BOC: variants seen among roughly 807,000 people sequenced by gnomAD.
BOC encodes the protein brother of CDO.
In BOC, 76 loss-of-function variants were observed where a neutral mutation model predicts 112.0. That is an observed-to-expected ratio of 0.68 (90% CI 0.56 to 0.82). The LOEUF is 0.82. Among genes scored for constraint, BOC ranks in the 40% least tolerant of loss-of-function variants. The pLI is 0.00. For synonymous variants in BOC, 580 were observed against 599.8 expected (o/e 0.97, Z 0.48); for missense variants, 1,309 against 1,511.7 (o/e 0.87, Z 2.22).
intron 2 of BOC, among the ~76,000 whole-genome samples, chr3:113,231,412 C>A (rs550098599): frequency 6.6e-6 from 1 of 152,156 alleles, no homozygotes; most frequent in East Asian, 1.9e-4. Flanking sequence ...AAAATGGGAT[C>A]ATGATGGTTT....
chr3:113,222,570 GGT>G (rs1940910100), intron 2 of BOC, among the ~76,000 whole-genome samples: 1 of 152,170 alleles, frequency 6.6e-6, no homozygotes, highest in South Asian at 2.1e-4. Context: ...AATGTCCGTG[GGT>G]GTACCGGTTG....
intron 4 of BOC, among the ~76,000 whole-genome samples, chr3:113,255,279 G>T (rs1244773111): frequency 6.6e-6 from 1 of 151,990 alleles, no homozygotes; most frequent in Non-Finnish European, 1.5e-5. Context: ...GCTGTTCCCA[G>T]TCTGCTCCTG....
At chr3:113,259,835 C>T (rs570809994) in intron 4 of BOC, among the ~76,000 whole-genome samples, 67 of 152,256 alleles carry the variant, frequency 4.4e-4, no homozygotes, top group African/African-American at 1.4e-3. Context: ...ACAGCCTTTC[C>T]CTCAGGCCCA....
chr3:113,264,514 G>A (rs1044274238), intron 4 of BOC, among the ~76,000 whole-genome samples: 3 of 152,138 alleles, frequency 2.0e-5, no homozygotes, highest in East Asian at 1.9e-4. Context: ...CTAGGGACTC[G>A]GCCAGGAAAC....
chr3:113,277,320 A>G (rs1576490871), intron 9 of BOC, among the ~76,000 whole-genome samples: 1 of 152,138 alleles, frequency 6.6e-6, no homozygotes, highest in African/African-American at 2.4e-5. Flanking sequence ...TATTTGCCTC[A>G]TTGGTGAAAT....
At chr3:113,224,284 G>A (rs1160689013) in intron 2 of BOC, among the ~76,000 whole-genome samples, 1 of 152,182 alleles carries the variant, frequency 6.6e-6, no homozygotes. Flanking sequence ...CTGTTTTGTG[G>A]TCATTGAGGA....
At chr3:113,246,394 A>C (rs548133992) in intron 2 of BOC, among the ~76,000 whole-genome samples, 5 of 152,282 alleles carry the variant, frequency 3.3e-5, no homozygotes, top group African/African-American at 1.2e-4. Context: ...CCTTCACCCA[A>C]CTTTGAAATT....
Position 113,285,500 on chromosome 3 carries a change from C to CA in BOC, c.3096dup (p.Gly1033ArgfsTer33). Reference sequence around the variant, plus strand: ...GAGCAGCCTGCTGCTGTGGGCCAGTCAGGGGTGAGGAGAGCCCCCGACAGT... The same window carrying CA: ...GAGCAGCCTGCTGCTGTGGGCCAGTCAAGGGGTGAGGAGAGCCCCCGACAGT... On this transcript the variant is annotated frameshift_variant, in exon 19 of 20. Coordinates refer to ENST00000682979, the MANE Select transcript of BOC (RefSeq NM_001378074.1). LOFTEE classifies it high-confidence loss of function. 1 of 1,613,794 alleles carries CA rather than the reference C, an allele frequency of 6.2e-7. No individual in the cohort carries two copies. Among genetic ancestry groups the CA allele is most frequent in the Non-Finnish European group, 8.5e-7 (1 of 1,179,846 alleles).
chr3:113,229,933 G>A (rs1365429084), intron 2 of BOC, among the ~76,000 whole-genome samples: 3 of 152,144 alleles, frequency 2.0e-5, no homozygotes, highest in Non-Finnish European at 4.4e-5. Context: ...AGGAAGGAGT[G>A]GTGAAAATAT....
chr3:113,263,569 G>A (rs1346219463), intron 4 of BOC, among the ~76,000 whole-genome samples: 1 of 152,218 alleles, frequency 6.6e-6, no homozygotes, highest in African/African-American at 2.4e-5. Flanking sequence ...TAGGTTTATG[G>A]ATTACACCTG....
intron 4 of BOC, among the ~76,000 whole-genome samples, chr3:113,264,030 A>T (rs1002579486): frequency 3.3e-5 from 5 of 152,230 alleles, no homozygotes; most frequent in African/African-American, 1.2e-4. Context: ...ATCAGAGTGT[A>T]CGTATTCCCT....
At chr3:113,282,927 G>A (rs185110692) in intron 15 of BOC, among the ~76,000 whole-genome samples, 1 of 152,146 alleles carries the variant, frequency 6.6e-6, no homozygotes, top group African/African-American at 2.4e-5. Context: ...CACATGTACT[G>A]TGTGTCCTCG....
intron 2 of BOC, among the ~76,000 whole-genome samples, chr3:113,238,845 G>T (rs1489209109): frequency 6.6e-6 from 1 of 152,220 alleles, no homozygotes; most frequent in Non-Finnish European, 1.5e-5. Context: ...TATAGGAGGT[G>T]CTTGCTCAAG....
intron 16 of BOC, among the ~76,000 whole-genome samples, chr3:113,283,874 G>A (rs564530506): frequency 1.3e-5 from 2 of 151,792 alleles, no homozygotes; most frequent in East Asian, 1.9e-4. Context: ...GACCTATGTT[G>A]TGCCATCTTC....
intron 2 of BOC, among the ~76,000 whole-genome samples, chr3:113,229,810 C>T (rs189028893): frequency 5.0e-4 from 76 of 152,226 alleles, no homozygotes; most frequent in African/African-American, 1.6e-3. Flanking sequence ...TTTCAAACAC[C>T]GTATCCAGTA....
At chr3:113,235,144 A>G (rs1357173989) in intron 2 of BOC, among the ~76,000 whole-genome samples, 1 of 152,204 alleles carries the variant, frequency 6.6e-6, no homozygotes, top group East Asian at 1.9e-4. Context: ...CCTTTTGGCT[A>G]CTGTCCACCC....
At chr3:113,271,101 G>T in intron 6 of BOC, 157 bp downstream of exon 6, 1 of 1,097,742 alleles carries the variant, frequency 9.1e-7, no homozygotes, top group South Asian at 1.3e-5. Flanking sequence ...TCTCAGCCAG[G>T]GATTCTCTCC....
At chr3:113,268,130 C>G (rs1269598787) in intron 4 of BOC, among the ~76,000 whole-genome samples, 169 bp from the exon 5 acceptor site, 2 of 152,180 alleles carry the variant, frequency 1.3e-5, no homozygotes, top group Admixed American at 1.3e-4. Flanking sequence ...CACATTCTTA[C>G]AAACTCCTGT....
chr3:113,243,255 C>T (rs935454597), intron 2 of BOC, among the ~76,000 whole-genome samples: 3 of 152,140 alleles, frequency 2.0e-5, no homozygotes, highest in Non-Finnish European at 4.4e-5. Flanking sequence ...AAGAAAACAG[C>T]AGAGCTGACC....
Sources: gnomAD v4.1 joint callset for allele counts (sites outside exome capture counted in the v4.1 genomes callset) on GRCh38, gnomAD v4.1.1 for gene constraint, MANE v1.5 for transcripts, NCBI Gene and HGNC (gene_info 2026-07-23, HGNC 2026-07-21) for gene names.